The following RORC variants were observed in gnomAD, a reference collection of about 807,000 sequenced individuals.
RORC encodes the protein RAR related orphan receptor C, also known as nuclear receptor ROR-gamma.
RORC carries 13 observed loss-of-function variants against 64.5 expected under a neutral mutation model. The observed-to-expected ratio is 0.20, with a 90% CI of 0.13 to 0.32. The LOEUF (loss-of-function observed/expected upper bound fraction) is 0.32. RORC is among the 10% of genes least tolerant of loss of function. The probability of loss-of-function intolerance (pLI) is 1.00; values close to 1 mark genes in which losing one functional copy is unlikely to be tolerated. For missense variants in RORC, 468 were observed against 669.5 expected (o/e 0.70, Z 3.32); for synonymous variants, 277 against 259.3 (o/e 1.07, Z -0.65).
intron 8 of RORC, 71 bp from the exon 9 acceptor site, chr1:151,813,128 G>C (rs1301696057): frequency 1.4e-6 from 2 of 1,459,992 alleles, no homozygotes; most frequent in African/African-American, 1.4e-5. Context: ...CGCCCTTATT[G>C]TGTTTAGAGC....
chr1:151,815,042 G>C lies in RORC; in HGVS notation c.682C>G (p.Arg228Gly), dbSNP rs1651702189. 1.3e-5 allele frequency: 21 copies of C among 1,614,206 alleles called. No homozygotes were observed. Among genetic ancestry groups the C allele is most frequent in the Non-Finnish European group, 1.8e-5 (21 of 1,180,040 alleles). The change falls in exon 5 of 11, where the codon CGA becomes GGA. Residue 228 changes from arginine (R) to glycine (G), a missense_variant. By Grantham distance (125) the Arg-to-Gly change is moderately radical. This residue lies in a region of RORC where 241 missense variants were observed against 295.5 expected (regional missense o/e 0.82). Transcript: ENST00000318247. ...YSTGSQLTPDRCGLRFEEHRH... is the reference protein window; with the variant it reads ...YSTGSQLTPDGCGLRFEEHRH... ...TGTTCCTCAAAACGAAGTCCACATC[G>C]GTCAGGGGTCAGCTGGCTGCCTGTG...
intron 10 of RORC, among the ~76,000 whole-genome samples, chr1:151,808,649 C>A (rs1215789444): frequency 1.3e-5 from 2 of 152,178 alleles, no homozygotes; most frequent in Admixed American, 6.5e-5. Flanking sequence ...ACATCTGGAT[C>A]TGAGCTAGGC....
At chr1:151,823,589 G>A (rs1652076279) in intron 2 of RORC, among the ~76,000 whole-genome samples, 1 of 152,078 alleles carries the variant, frequency 6.6e-6, no homozygotes, top group Non-Finnish European at 1.5e-5. Flanking sequence ...GTGTCTATGT[G>A]CCTTGTGATC....
Position 151,807,385 on chromosome 1 carries a change from T to C in RORC, c.*87A>G, listed in dbSNP as rs183499095. ...GGTGGGGACCACCCTCCAGGGTTCA[T>C]GGGAAAGGAAAAGGGTGAGGGTGGA... On this transcript the variant is annotated 3_prime_UTR_variant, in exon 11 of 11. Coordinates refer to ENST00000318247, the MANE Select transcript of RORC (RefSeq NM_005060.4). This position sits in a 1 kb window ranked among gnomAD's most constrained non-coding sequence, Gnocchi z 5.0. The C allele has an allele frequency of 3.6e-5, 49 of 1,376,502 alleles. No homozygotes were observed. The highest frequency in any genetic ancestry group is 3.5e-4 in the Admixed American group (18 of 50,804). The allele number at this position is 1,376,502 out of a possible 1,614,324, so 85.3% of individuals were successfully genotyped here.
Position 151,807,747 on chromosome 1 carries a change from A to T in RORC, c.1396-114T>A, listed in dbSNP as rs1651370678. ...AACCCTCCTTGCCTTCCCCTTATGTACTTGGCACTTTGGCACCAGCCAAAT... is the reference window on the plus strand; with the variant it reads ...AACCCTCCTTGCCTTCCCCTTATGTTCTTGGCACTTTGGCACCAGCCAAAT... On this transcript the variant is annotated intron_variant, in intron 10 of 10. Coordinates refer to ENST00000318247, the MANE Select transcript of RORC (RefSeq NM_005060.4). This position sits in a 1 kb window ranked among gnomAD's most constrained non-coding sequence, Gnocchi z 5.0. The T allele has an allele frequency of 8.6e-7, 1 of 1,166,276 alleles. No individual in the cohort carries two copies. The highest frequency in any genetic ancestry group is 2.4e-5 in the East Asian group (1 of 41,550). 72.2% of individuals were successfully genotyped at this position (1,166,276 alleles called of 1,614,324 possible).
At chr1:151,813,995 G>A (rs1159995870) in intron 6 of RORC, 1 of 224,414 alleles carries the variant, frequency 4.5e-6, no homozygotes, top group Non-Finnish European at 8.9e-6. Context: ...CCAAACGAGT[G>A]TGTTTAGAGC....
At chr1:151,808,540 T>C (rs1651401093) in intron 10 of RORC, among the ~76,000 whole-genome samples, 1 of 152,212 alleles carries the variant, frequency 6.6e-6, no homozygotes, top group East Asian at 1.9e-4. Flanking sequence ...CCTTCATATC[T>C]CCTAGATTCT....
rs910682062 is a variant in RORC, at chr1:151,807,988, T to C, written c.1396-355A>G. Among the ~76,000 whole-genome samples the C allele has an allele frequency of 6.6e-6, 1 of 152,234 alleles. No individual in the cohort carries two copies. Among genetic ancestry groups the C allele is most frequent in the Non-Finnish European group, 1.5e-5 (1 of 68,048 alleles). On this transcript the variant is annotated intron_variant, in intron 10 of 10. Transcript: ENST00000318247. The surrounding 1 kb of genome is among the most constrained non-coding windows in gnomAD (Gnocchi z 5.0). ...TGTCACATGCCTCTGCCTTTGTGCATGTTGTTCCCCTCTTCCCATTACTAA... is the reference window on the plus strand; with the variant it reads ...TGTCACATGCCTCTGCCTTTGTGCACGTTGTTCCCCTCTTCCCATTACTAA...
In RORC at chr1:151,813,427, C is replaced by T; in HGVS notation, c.1066+61G>A. On this transcript the variant is annotated intron_variant, in intron 7 of 10. Transcript: ENST00000318247. ...CTCTGTCCCCCTGATTTCCTTAAGCCACCTCCCTCCACTTGGCTCTGTCCC... is the reference window on the plus strand; with the variant it reads ...CTCTGTCCCCCTGATTTCCTTAAGCTACCTCCCTCCACTTGGCTCTGTCCC... The T allele has an allele frequency of 3.7e-6, 6 of 1,611,284 alleles. No homozygotes were observed. In the South Asian group the frequency reaches 6.6e-5, roughly 18 times the overall value.
chr1:151,811,449 G>A lies in RORC; in HGVS notation c.1286-15C>T. 6.5e-7 allele frequency: 1 copy of A among 1,534,900 alleles called. No individual in the cohort carries two copies. Among genetic ancestry groups the A allele is most frequent in the Non-Finnish European group, 9.0e-7 (1 of 1,109,508 alleles). On this transcript the variant is annotated splice_polypyrimidine_tract_variant and intron_variant, in intron 9 of 10. Coordinates refer to ENST00000318247, the MANE Select transcript of RORC (RefSeq NM_005060.4). ...CCCTGGCCGATCTGGAGGAGGGGGT[G>A]GGACCGTAATGAGAACAAGAAAGAA...
chr1:151,829,265 T>A (rs1652315385), intron 2 of RORC, among the ~76,000 whole-genome samples, 164 bp downstream of exon 2: 1 of 152,172 alleles, frequency 6.6e-6, no homozygotes, highest in African/African-American at 2.4e-5. Flanking sequence ...CCCACTGCCC[T>A]GATCTGTGGT....
intron 6 of RORC, 145 bp downstream of exon 6, chr1:151,814,429 T>G: frequency 1.3e-6 from 1 of 759,086 alleles, no homozygotes; most frequent in South Asian, 1.8e-5. Context: ...CAACTGTACA[T>G]AAAAGGTGTG....
intron 2 of RORC, among the ~76,000 whole-genome samples, chr1:151,826,362 A>C (rs1652197111): frequency 6.6e-6 from 1 of 152,144 alleles, no homozygotes; most frequent in Admixed American, 6.5e-5. Flanking sequence ...CCTGAAGCCA[A>C]ATTTCTACTC....
chr1:151,829,119 C>T (rs1355602911), intron 2 of RORC, among the ~76,000 whole-genome samples: 1 of 151,750 alleles, frequency 6.6e-6, no homozygotes, highest in African/African-American at 2.4e-5. Context: ...CAGTCGGCCC[C>T]ACCCCCTCCC....
In RORC at chr1:151,830,780, C is replaced by T. The variant is rs968694805; in HGVS notation, c.40+945G>A. ...GGTGAGGGAGGAGAAAAGACTGCCC[C>T]GAGGTGGCAAGGCCCCACCCAGCCC... is the stretch of plus-strand genomic sequence containing the variant. On this transcript the variant is annotated intron_variant, in intron 1 of 10. Transcript: ENST00000318247. The surrounding 1 kb of genome is among the most constrained non-coding windows in gnomAD (Gnocchi z 4.0). The T allele has an allele frequency of 7.3e-6, 3 of 410,256 alleles. No homozygotes were observed. Among genetic ancestry groups the T allele is most frequent in the African/African-American group, 2.1e-5 (1 of 47,836 alleles). The allele number at this position is 410,256 out of a possible 1,614,324, so 25.4% of individuals were successfully genotyped here.
intron 2 of RORC, among the ~76,000 whole-genome samples, chr1:151,820,286 G>A (rs944531676): frequency 6.6e-5 from 10 of 152,158 alleles, no homozygotes; most frequent in African/African-American, 2.4e-4. Flanking sequence ...GGGGGTTGGT[G>A]AGAGGAGCTG....
At chr1:151,813,755 C>G in intron 6 of RORC, 135 bp from the exon 7 acceptor site, 1 of 1,006,612 alleles carries the variant, frequency 9.9e-7, no homozygotes, top group Non-Finnish European at 1.4e-6. Context: ...TTTTCAAAAG[C>G]CTGGTCTTAG....
chr1:151,813,211 T>G (rs1246554888), intron 8 of RORC, 28 bp downstream of exon 8: 2 of 1,596,390 alleles, frequency 1.3e-6, no homozygotes, highest in Admixed American at 1.7e-5. Flanking sequence ...CATCAGAATC[T>G]TCCCTCTCAT....
In RORC at chr1:151,811,306, C is replaced by T. The variant is rs747498049; in HGVS notation, c.1395+19G>A. On this transcript the variant is annotated intron_variant, in intron 10 of 10. Coordinates refer to ENST00000318247, the MANE Select transcript of RORC (RefSeq NM_005060.4). ...CTAGCGATGGGCCTGGCCTCTTCTA[C>T]CCCAGGGACTGCTCCTACCTTTGCC... The T allele has an allele frequency of 4.3e-5, 67 of 1,547,868 alleles. No individual in the cohort carries two copies. The highest frequency in any genetic ancestry group is 5.9e-5 in the Non-Finnish European group (66 of 1,120,328).
Sources: gnomAD v4.1 joint callset for allele counts (sites outside exome capture counted in the v4.1 genomes callset) on GRCh38, gnomAD v4.1.1 for gene constraint, gnomAD v4.1.1 regional missense constraint, Gnocchi (gnomAD v3.1) non-coding constraint, MANE v1.5 for transcripts, NCBI Gene and HGNC (gene_info 2026-07-23, HGNC 2026-07-21) for gene names.